The following MAGI2 variants were observed in gnomAD, a reference collection of about 807,000 sequenced individuals.
The protein encoded by MAGI2 is membrane associated guanylate kinase, WW and PDZ domain containing 2.
A neutral mutation model predicts 133.3 loss-of-function variants in MAGI2; 35 were observed. The ratio of observed to expected loss-of-function variants is 0.26; its 90% CI spans 0.20 to 0.35. MAGI2 has a LOEUF of 0.35. Among genes scored for constraint, MAGI2 ranks in the 10% least tolerant of loss-of-function variants. The pLI, the probability that MAGI2 is intolerant of heterozygous loss-of-function variation, is 1.00. For synonymous variants in MAGI2, 729 were observed against 710.6 expected (o/e 1.03, Z -0.41); for missense variants, 1,636 against 1,863.4 (o/e 0.88, Z 2.25).
At chr7:79,330,680 T>G (rs1444508119) in intron 1 of MAGI2, among the ~76,000 whole-genome samples, 2 of 152,006 alleles carry the variant, frequency 1.3e-5, no homozygotes, top group Non-Finnish European at 2.9e-5. Flanking sequence ...TTTAGGTGAG[T>G]TACTGGTTGA....
intron 1 of MAGI2, among the ~76,000 whole-genome samples, chr7:79,214,145 G>A (rs756642027): frequency 1.3e-5 from 2 of 151,668 alleles, no homozygotes; most frequent in East Asian, 3.9e-4. Flanking sequence ...TTTAAATACA[G>A]TCTCTGGGCA....
At chr7:78,968,841 G>A (rs1186668727) in intron 2 of MAGI2, among the ~76,000 whole-genome samples, 1 of 152,008 alleles carries the variant, frequency 6.6e-6, no homozygotes, top group African/African-American at 2.4e-5. Flanking sequence ...ACAAGGACAC[G>A]GCCTTTATTT....
At chr7:78,198,664 C>T (rs960555766) in intron 11 of MAGI2, among the ~76,000 whole-genome samples, 3 of 152,118 alleles carry the variant, frequency 2.0e-5, no homozygotes, top group Non-Finnish European at 2.9e-5. Flanking sequence ...ATTTTTCAAC[C>T]TCAGCTTCTG....
rs191110349 is a variant in MAGI2, at chr7:79,102,624, T to C, written c.302-95418A>G. ...TTTGCCTTTCTACCCAAAAAGTATC[T>C]TCCTCACCCACCCAAAGGCACTATA... On this transcript the variant is annotated intron_variant, in intron 1 of 21. Coordinates refer to ENST00000354212, the MANE Select transcript of MAGI2 (RefSeq NM_012301.4). Among the ~76,000 whole-genome samples, 359 of 152,300 alleles carry C rather than the reference T, an allele frequency of 2.4e-3. 4 individuals carry two copies. The highest frequency in any genetic ancestry group is 4.6e-4 in the Non-Finnish European group (31 of 68,022).
At chr7:78,700,366 T>C (rs1817943289) in intron 2 of MAGI2, among the ~76,000 whole-genome samples, 1 of 152,104 alleles carries the variant, frequency 6.6e-6, no homozygotes, top group Admixed American at 6.6e-5. Context: ...ACTATGCTTA[T>C]TAATCAATTC....
chr7:79,434,102 T>A (rs561182965), intron 1 of MAGI2, among the ~76,000 whole-genome samples: 9 of 151,870 alleles, frequency 5.9e-5, no homozygotes, highest in African/African-American at 2.2e-4. Flanking sequence ...TTATACTAGA[T>A]GAAAACCTCT....
intron 3 of MAGI2, among the ~76,000 whole-genome samples, chr7:78,578,645 A>G (rs1019266620): frequency 6.6e-6 from 1 of 152,126 alleles, no homozygotes; most frequent in African/African-American, 2.4e-5. Flanking sequence ...AGGGAAAGAG[A>G]AAGGAAGAAG....
At chr7:78,668,592 A>G (rs1813929794) in intron 2 of MAGI2, among the ~76,000 whole-genome samples, 1 of 151,892 alleles carries the variant, frequency 6.6e-6, no homozygotes, top group Non-Finnish European at 1.5e-5. Context: ...GAAGGGATCC[A>G]GTTTCAGCTT....
intron 9 of MAGI2, among the ~76,000 whole-genome samples, chr7:78,261,282 C>T (rs1046706950): frequency 6.6e-6 from 1 of 152,102 alleles, no homozygotes; most frequent in African/African-American, 2.4e-5. Flanking sequence ...TTGTTACTTG[C>T]CTCTAGTTAA....
intron 2 of MAGI2, among the ~76,000 whole-genome samples, chr7:78,990,766 A>G (rs1805680240): frequency 6.6e-6 from 1 of 152,112 alleles, no homozygotes; most frequent in Non-Finnish European, 1.5e-5. Flanking sequence ...CCCAAGCTGC[A>G]TTAAAAATCT....
intron 12 of MAGI2, among the ~76,000 whole-genome samples, chr7:78,192,958 A>C (rs144467481): frequency 2.2e-4 from 33 of 152,266 alleles, no homozygotes; most frequent in African/African-American, 7.7e-4. Context: ...GGCGATGAAG[A>C]GCTACCAGAG....
At chr7:78,498,879 A>T (rs1794368562) in intron 5 of MAGI2, among the ~76,000 whole-genome samples, 1 of 151,984 alleles carries the variant, frequency 6.6e-6, no homozygotes, top group African/African-American at 2.4e-5. Context: ...AGTCACTTCC[A>T]CCATGACTCC....
At chr7:78,884,980 A>G (rs2151553264) in intron 2 of MAGI2, among the ~76,000 whole-genome samples, 1 of 152,330 alleles carries the variant, frequency 6.6e-6, no homozygotes, top group South Asian at 2.1e-4. Context: ...AGCCAAAACA[A>G]TAGCTCAAAA....
chr7:79,341,972 G>C (rs1424027330), intron 1 of MAGI2, among the ~76,000 whole-genome samples: 1 of 152,124 alleles, frequency 6.6e-6, no homozygotes, highest in Admixed American at 6.6e-5. Context: ...CTCAGCTCCA[G>C]ATCCACTTGT....
intron 1 of MAGI2, among the ~76,000 whole-genome samples, chr7:79,195,292 G>A (rs1265098225): frequency 2.0e-5 from 3 of 151,846 alleles, no homozygotes; most frequent in Admixed American, 6.6e-5. Flanking sequence ...CACCTATCCC[G>A]ACATCTGTGA....
At chr7:78,725,815 C>CAACAAACAAACAAACAAACAAACAAACA (rs371894892) in intron 2 of MAGI2, among the ~76,000 whole-genome samples, 1 of 151,836 alleles carries the variant, frequency 6.6e-6, no homozygotes, top group African/African-American at 2.4e-5. Flanking sequence ...ACAACAACCA[C>CAACAAACAAACAAACAAACAAACAAACA]AACAAACAAA....
At chr7:79,123,280 T>G (rs1435780342) in intron 1 of MAGI2, among the ~76,000 whole-genome samples, 1 of 152,202 alleles carries the variant, frequency 6.6e-6, no homozygotes. Context: ...AATAAACAGC[T>G]TCTCTTTTTC....
chr7:78,412,750 A>T (rs1039945030), intron 6 of MAGI2, among the ~76,000 whole-genome samples: 1 of 152,088 alleles, frequency 6.6e-6, no homozygotes, highest in Non-Finnish European at 1.5e-5. Context: ...ATTTGAGAAC[A>T]GTTTGTTACC....
At chr7:78,548,921 A>G (rs1799100783) in intron 3 of MAGI2, among the ~76,000 whole-genome samples, 1 of 152,170 alleles carries the variant, frequency 6.6e-6, no homozygotes. Flanking sequence ...GCAAGATGAG[A>G]TTGCTTTAAA....
Sources: allele counts gnomAD v4.1 joint callset (sites outside exome capture counted in the v4.1 genomes callset), GRCh38; gene constraint gnomAD v4.1.1; transcripts MANE v1.5; gene names NCBI Gene and HGNC (gene_info 2026-07-23, HGNC 2026-07-21).